Variants in THSD7A observed in about 807,000 individuals in gnomAD.
THSD7A encodes thrombospondin type 1 domain containing 7A.
THSD7A carries 96 observed loss-of-function variants against 231.3 expected under a neutral mutation model. That is an observed-to-expected ratio of 0.41 (90% CI 0.35 to 0.49). THSD7A has a LOEUF of 0.49. Among genes scored for constraint, THSD7A ranks in the 20% least tolerant of loss-of-function variants. The pLI is 0.05. For missense variants in THSD7A, 2,290 were observed against 2,070.2 expected (o/e 1.11, Z -2.06); for synonymous variants, 940 against 743.3 (o/e 1.26, Z -4.30).
chr7:11,565,360 A>G (rs1299632878), intron 4 of THSD7A, among the ~76,000 whole-genome samples: 3 of 152,214 alleles, frequency 2.0e-5, no homozygotes, highest in African/African-American at 7.2e-5. Flanking sequence ...AAATATAATT[A>G]TTTATCACAA....
chr7:11,646,741 G>A (rs897423000), intron 1 of THSD7A, among the ~76,000 whole-genome samples: 1 of 151,958 alleles, frequency 6.6e-6, no homozygotes, highest in Admixed American at 6.6e-5. Context: ...CTATCTCAGG[G>A]AACTTTGATA....
At chr7:11,668,233 G>A (rs1260178817) in intron 1 of THSD7A, among the ~76,000 whole-genome samples, 2 of 152,064 alleles carry the variant, frequency 1.3e-5, no homozygotes, top group South Asian at 2.1e-4. Context: ...CCTGGCCAAC[G>A]TGATGAAACC....
At chr7:11,568,903 T>A (rs1451193450) in intron 4 of THSD7A, among the ~76,000 whole-genome samples, 1 of 150,438 alleles carries the variant, frequency 6.6e-6, no homozygotes, top group Non-Finnish European at 1.5e-5. Flanking sequence ...AAAATTAATA[T>A]ACAAAAATTG....
intron 1 of THSD7A, among the ~76,000 whole-genome samples, chr7:11,644,734 T>C (rs925735375): frequency 6.6e-6 from 1 of 151,978 alleles, no homozygotes; most frequent in African/African-American, 2.4e-5. Flanking sequence ...AATAATCTAT[T>C]TTTAGGATCT....
intron 1 of THSD7A, among the ~76,000 whole-genome samples, chr7:11,828,904 C>T (rs1405713494): frequency 6.6e-6 from 1 of 152,094 alleles, no homozygotes; most frequent in Non-Finnish European, 1.5e-5. Flanking sequence ...AACAACAAAA[C>T]CAACCCCTTA....
intron 1 of THSD7A, among the ~76,000 whole-genome samples, chr7:11,818,368 G>A (rs1301745059): frequency 1.3e-5 from 2 of 152,190 alleles, no homozygotes; most frequent in East Asian, 3.8e-4. Context: ...ACGTTAGGCT[G>A]TTAATAGTGT....
chr7:11,388,289 C>G (rs545753438), intron 23 of THSD7A, among the ~76,000 whole-genome samples: 2 of 152,104 alleles, frequency 1.3e-5, no homozygotes, highest in East Asian at 3.9e-4. Context: ...CTCTTCGTAC[C>G]TCTGGTAGAA....
chr7:11,740,846 G>A (rs544302100), intron 1 of THSD7A, among the ~76,000 whole-genome samples: 2 of 151,996 alleles, frequency 1.3e-5, no homozygotes, highest in East Asian at 3.9e-4. Context: ...AAATTTACTT[G>A]TCTTGTTCCA....
chr7:11,609,237 G>T (rs566094680), intron 2 of THSD7A, among the ~76,000 whole-genome samples: 1 of 152,050 alleles, frequency 6.6e-6, no homozygotes, highest in South Asian at 2.1e-4. Flanking sequence ...TTCTCACAAA[G>T]AATAAAACAT....
Position 11,462,134 on chromosome 7 carries a change from C to G in THSD7A, c.2378G>C (p.Ser793Thr), listed in dbSNP as rs1013908619. The change falls in exon 10 of 28, where the codon AGT becomes ACT. Residue 793 changes from serine to threonine, a missense_variant. Physicochemically the swap from Ser to Thr is moderately conservative, Grantham distance 58. Transcript: ENST00000423059. ...CPSSCKEGDS[S>T]IRKQSRHRVI... ...CCGATGCCTAGACTGCTTCCTGATA[C>G]TGGAGTCCCCTGCAATGAAGCAGTT... 1.9e-6 allele frequency: 3 copies of G among 1,613,582 alleles called. No homozygotes were observed. Among genetic ancestry groups the G allele is most frequent in the Admixed American group, 3.3e-5 (2 of 59,968 alleles).
chr7:11,499,538 G>A (rs1188394641), intron 6 of THSD7A, among the ~76,000 whole-genome samples: 4 of 152,126 alleles, frequency 2.6e-5, no homozygotes, highest in African/African-American at 9.7e-5. Context: ...AGATTCAGGA[G>A]GATGGCAAAC....
chr7:11,399,355 T>C (rs1783311263), intron 23 of THSD7A, among the ~76,000 whole-genome samples: 1 of 152,362 alleles, frequency 6.6e-6, no homozygotes, highest in Non-Finnish European at 1.5e-5. Context: ...CTTTATTTTA[T>C]TTATGGTAAT....
chr7:11,829,757 C>G (rs570292016), intron 1 of THSD7A, among the ~76,000 whole-genome samples: 4 of 151,194 alleles, frequency 2.6e-5, no homozygotes, highest in Non-Finnish European at 4.4e-5. Context: ...TTGAGAACTA[C>G]GTTCAACTCC....
intron 6 of THSD7A, among the ~76,000 whole-genome samples, chr7:11,493,035 T>A (rs1262342967): frequency 1.3e-5 from 2 of 152,072 alleles, no homozygotes; most frequent in East Asian, 3.9e-4. Flanking sequence ...TATTAGGAAC[T>A]CCCAGCCCAT....
intron 17 of THSD7A, among the ~76,000 whole-genome samples, 187 bp downstream of exon 17, chr7:11,417,263 A>AC (rs1367674729): frequency 6.6e-6 from 1 of 152,150 alleles, no homozygotes; most frequent in Non-Finnish European, 1.5e-5. Context: ...GTGAGAGGAA[A>AC]CATTACAGAC....
At chr7:11,692,033 A>T (rs1455422361) in intron 1 of THSD7A, among the ~76,000 whole-genome samples, 1 of 151,588 alleles carries the variant, frequency 6.6e-6, no homozygotes, top group Non-Finnish European at 1.5e-5. Context: ...TGAGTTATAA[A>T]GCCACAAGTG....
chr7:11,424,838 C>G lies in THSD7A; in HGVS notation c.3250-9G>C. 1 of 1,613,828 alleles carries G rather than the reference C, an allele frequency of 6.2e-7. No individual in the cohort carries two copies. The stretch of plus-strand genomic sequence containing the variant: ...GGGACAACCTCATACACCTGAAACA[C>G]ACATGGTTCTCAGCAATCTCAGGGA... On this transcript the variant is annotated splice_polypyrimidine_tract_variant and intron_variant, in intron 15 of 27. Coordinates refer to ENST00000423059, the MANE Select transcript of THSD7A (RefSeq NM_015204.3).
chr7:11,517,462 A>G (rs16876854), intron 6 of THSD7A, among the ~76,000 whole-genome samples: 24,583 of 152,044 alleles, frequency 0.16, 2,345 homozygotes, highest in African/African-American at 0.27. Flanking sequence ...AACAGGGAAT[A>G]TCATTAAAAA....
At chr7:11,397,179 A>C (rs1317582538) in intron 23 of THSD7A, among the ~76,000 whole-genome samples, 1 of 151,992 alleles carries the variant, frequency 6.6e-6, no homozygotes, top group Non-Finnish European at 1.5e-5. Context: ...ACAGGGCTAC[A>C]GTAACCAAAA....
Sources: gnomAD v4.1 joint callset for allele counts (sites outside exome capture counted in the v4.1 genomes callset) on GRCh38, gnomAD v4.1.1 for gene constraint, MANE v1.5 for transcripts, NCBI Gene and HGNC (gene_info 2026-07-23, HGNC 2026-07-21) for gene names.